The following GFRA1 variants were observed in gnomAD, a reference collection of about 807,000 sequenced individuals.
GFRA1 encodes GDNF family receptor alpha 1, also known as GDNF family receptor alpha-1.
A neutral mutation model predicts 51.6 loss-of-function variants in GFRA1; 16 were observed. That is an observed-to-expected ratio of 0.31 (90% CI 0.21 to 0.47). The LOEUF (loss-of-function observed/expected upper bound fraction) is 0.47. Among genes scored for constraint, GFRA1 ranks in the 20% least tolerant of loss-of-function variants. The pLI is 1.00. For missense variants in GFRA1, 530 were observed against 594.3 expected (o/e 0.89, Z 1.13); for synonymous variants, 270 against 241.3 (o/e 1.12, Z -1.10).
chr10:116,163,378 C>T (rs1275651199), intron 5 of GFRA1, among the ~76,000 whole-genome samples: 2 of 152,190 alleles, frequency 1.3e-5, no homozygotes, highest in Middle Eastern at 3.2e-3. Flanking sequence ...TGCAGACAAG[C>T]CTTTTTGTTC....
chr10:116,271,861 A>C (rs1165120180), intron 2 of GFRA1, 129 bp downstream of exon 2: 5 of 781,978 alleles, frequency 6.4e-6, no homozygotes, highest in South Asian at 2.9e-5. Flanking sequence ...TTCCCCAAAA[A>C]GACACTTCTT....
chr10:116,101,770 T>A (rs1956824847), intron 6 of GFRA1, among the ~76,000 whole-genome samples: 1 of 152,122 alleles, frequency 6.6e-6, no homozygotes, highest in Admixed American at 6.6e-5. Flanking sequence ...ATAAGACACG[T>A]GGTTGGTGGA....
chr10:116,175,289 C>T (rs1466097477), intron 5 of GFRA1, among the ~76,000 whole-genome samples: 1 of 152,126 alleles, frequency 6.6e-6, no homozygotes, highest in Non-Finnish European at 1.5e-5. Context: ...AACATGGTGC[C>T]ATATCCTTGG....
chr10:116,154,808 A>G (rs1344460810), intron 5 of GFRA1, among the ~76,000 whole-genome samples: 12 of 152,184 alleles, frequency 7.9e-5, no homozygotes, highest in Admixed American at 7.9e-4. Flanking sequence ...AGGAATGGGT[A>G]TCTGCCTGTA....
chr10:116,069,247 C>T (rs1043188341), intron 9 of GFRA1, among the ~76,000 whole-genome samples: 4 of 152,178 alleles, frequency 2.6e-5, no homozygotes, highest in Admixed American at 6.5e-5. Flanking sequence ...ACTATTCTTA[C>T]AGTATGTTGA....
intron 5 of GFRA1, among the ~76,000 whole-genome samples, chr10:116,169,781 T>G (rs1960847947): frequency 1.3e-5 from 2 of 152,180 alleles, no homozygotes; most frequent in Non-Finnish European, 2.9e-5. Flanking sequence ...CTCATTCCTC[T>G]TGGGCACTAG....
rs79931637 is a variant in GFRA1 at position 116,229,777 on chromosome 10, T to C, written c.419-18132A>G. On this transcript the variant is annotated intron_variant, in intron 4 of 10. Transcript: ENST00000355422. ...TGTTACACTGTTGGGACTCAGTCAA[T>C]GATGGAAGGCTGGGTGGTGGGAGGG... Among the ~76,000 whole-genome samples the C allele has an allele frequency of 2.7e-3, 416 of 152,310 alleles. 2 individuals carry two copies. Among genetic ancestry groups the C allele is most frequent in the African/African-American group, 9.2e-3 (382 of 41,568 alleles).
chr10:116,070,757 GC>G (rs1417783799), intron 9 of GFRA1, among the ~76,000 whole-genome samples: 1 of 133,766 alleles, frequency 7.5e-6, no homozygotes, highest in East Asian at 2.1e-4. Flanking sequence ...GAAGTCTGGA[GC>G]CTTTTTTTTT....
chr10:116,095,425 T>A (rs377700347), intron 7 of GFRA1, among the ~76,000 whole-genome samples: 1 of 152,238 alleles, frequency 6.6e-6, no homozygotes. Flanking sequence ...CTACTTTTGT[T>A]ATTTCTGCAA....
At chr10:116,235,364 A>G (rs1361616499) in intron 4 of GFRA1, among the ~76,000 whole-genome samples, 1 of 152,176 alleles carries the variant, frequency 6.6e-6, no homozygotes. Flanking sequence ...TGAGGTGCCT[A>G]TTCCCTCTTT....
chr10:116,084,196 G>A (rs1041040232), intron 9 of GFRA1, among the ~76,000 whole-genome samples: 5 of 152,308 alleles, frequency 3.3e-5, no homozygotes, highest in Middle Eastern at 3.4e-3. Context: ...GGAGTGGTTG[G>A]GGGCAGGACG....
At chr10:116,076,306 C>A (rs1385830948) in intron 9 of GFRA1, among the ~76,000 whole-genome samples, 2 of 152,052 alleles carry the variant, frequency 1.3e-5, no homozygotes, top group Non-Finnish European at 2.9e-5. Context: ...CTGAAACCTG[C>A]CAAAAGATAT....
intron 9 of GFRA1, among the ~76,000 whole-genome samples, chr10:116,084,235 G>C (rs1955987778): frequency 6.6e-6 from 1 of 152,200 alleles, no homozygotes; most frequent in South Asian, 2.1e-4. Context: ...GATTTTAACA[G>C]GAAGCATGCT....
intron 5 of GFRA1, among the ~76,000 whole-genome samples, chr10:116,179,805 A>T (rs1253848015): frequency 6.6e-6 from 1 of 152,222 alleles, no homozygotes; most frequent in Non-Finnish European, 1.5e-5. Context: ...CTGAAGAATC[A>T]GCAGGGCTTT....
At chr10:116,096,529 T>G in intron 7 of GFRA1, 126 bp downstream of exon 7, 1 of 693,988 alleles carries the variant, frequency 1.4e-6, no homozygotes, top group Non-Finnish European at 2.6e-6. Context: ...GGATTTAACA[T>G]CCAAACCCCA....
intron 9 of GFRA1, among the ~76,000 whole-genome samples, chr10:116,077,950 G>A (rs185135780): frequency 6.6e-5 from 10 of 152,310 alleles, no homozygotes; most frequent in Non-Finnish European, 1.0e-4. Flanking sequence ...GAACAGCACT[G>A]TTTTCCCTTA....
At chr10:116,146,578 T>C (rs1038622067) in intron 5 of GFRA1, among the ~76,000 whole-genome samples, 9 of 152,216 alleles carry the variant, frequency 5.9e-5, no homozygotes, top group Admixed American at 4.6e-4. Flanking sequence ...GTCAGCACCA[T>C]AGACAGTGGG....
At chr10:116,137,581 T>G (rs1249568534) in intron 5 of GFRA1, among the ~76,000 whole-genome samples, 2 of 152,172 alleles carry the variant, frequency 1.3e-5, no homozygotes, top group Non-Finnish European at 2.9e-5. Context: ...TACAGCTCAA[T>G]TGTTTCTTCT....
chr10:116,064,288 T>A lies in GFRA1; in HGVS notation c.*110A>T. 1.1e-6 allele frequency: 1 copy of A among 915,856 alleles called. No homozygotes were observed. Among genetic ancestry groups the A allele is most frequent in the Non-Finnish European group, 1.7e-6 (1 of 577,006 alleles). 56.7% of individuals were successfully genotyped at this position (915,856 alleles called of 1,614,324 possible). A position where few individuals can be genotyped will look rare whatever the true frequency, so the allele number is the denominator to read the frequency against. Reference sequence around the variant, plus strand: ...AAAAAATGTTCCAGTTGAATGGAACTGTTTCTCAACTGAGCTCCTAAACTG... The same window carrying A: ...AAAAAATGTTCCAGTTGAATGGAACAGTTTCTCAACTGAGCTCCTAAACTG... On this transcript the variant is annotated 3_prime_UTR_variant, in exon 11 of 11. Transcript: ENST00000355422.
Sources: allele counts gnomAD v4.1 joint callset (sites outside exome capture counted in the v4.1 genomes callset), GRCh38; gene constraint gnomAD v4.1.1; transcripts MANE v1.5; gene names NCBI Gene and HGNC (gene_info 2026-07-23, HGNC 2026-07-21).